The following PIK3C2G variants were observed in gnomAD, a reference collection of about 807,000 sequenced individuals.
PIK3C2G encodes phosphatidylinositol 3-kinase C2 domain-containing subunit gamma.
PIK3C2G carries 168 observed loss-of-function variants against 181.1 expected under a neutral mutation model. The observed-to-expected ratio is 0.93, with a 90% CI of 0.82 to 1.05. The LOEUF (loss-of-function observed/expected upper bound fraction) is 1.05. Among genes scored for constraint, PIK3C2G ranks in the 50% least tolerant of loss-of-function variants. The pLI is 0.00. For missense variants in PIK3C2G, 1,869 were observed against 1,732.8 expected, an observed-to-expected ratio of 1.08 and a Z score of -1.40; for synonymous variants, 573 against 592.2, an observed-to-expected ratio of 0.97 and a Z score of 0.47.
At chr12:18,285,119 G>A (rs1949387896) in intron 2 of PIK3C2G, among the ~76,000 whole-genome samples, 1 of 151,864 alleles carries the variant, frequency 6.6e-6, no homozygotes, top group Non-Finnish European at 1.5e-5. Context: ...AGGGAAGGGG[G>A]CAAAAATGTA....
intron 30 of PIK3C2G, among the ~76,000 whole-genome samples, chr12:18,601,110 C>A (rs1420015371): frequency 1.3e-5 from 2 of 151,698 alleles, no homozygotes; most frequent in African/African-American, 2.4e-5. Context: ...GAATATAATT[C>A]ACCATGACAG....
chr12:18,426,374 A>G (rs928155692), intron 18 of PIK3C2G, among the ~76,000 whole-genome samples: 3 of 152,152 alleles, frequency 2.0e-5, no homozygotes, highest in African/African-American at 7.2e-5. Context: ...TTCTAATGTT[A>G]AAAACTCACT....
Position 18,518,697 on chromosome 12 carries a change from AT to A in PIK3C2G, c.3323+13243del, listed in dbSNP as rs1331725059. ...AAAAAACAAGCTCCTGGATTCATTG[AT>A]TTTTTTGGAGGTTTTTTGTATCTCT... On this transcript the variant is annotated intron_variant, in intron 24 of 32. Transcript: ENST00000538779. Among the ~76,000 whole-genome samples the A allele has an allele frequency of 2.6e-4, 39 of 151,992 alleles. 1 individual carries two copies. The highest frequency in any genetic ancestry group is 1.5e-3 in the South Asian group (7 of 4,816).
chr12:18,267,867 C>T (rs1373500185), intron 1 of PIK3C2G, among the ~76,000 whole-genome samples: 1 of 152,126 alleles, frequency 6.6e-6, no homozygotes, highest in Non-Finnish European at 1.5e-5. Flanking sequence ...ATCCCCCGTT[C>T]CTACATAAGG....
the PIK3C2G span, among the ~76,000 whole-genome samples, chr12:18,684,759 T>A: frequency 6.6e-6 from 1 of 151,982 alleles, no homozygotes; most frequent in Non-Finnish European, 1.5e-5. Flanking sequence ...CTTGATATGG[T>A]TAAGCTTTGT....
intron 30 of PIK3C2G, among the ~76,000 whole-genome samples, chr12:18,596,561 A>G (rs766232052): frequency 3.9e-5 from 6 of 152,152 alleles, no homozygotes; most frequent in Admixed American, 6.6e-5. Context: ...TTGTCAAGGT[A>G]CAGAAATAAT....
chr12:18,316,686 C>T (rs917630249), intron 6 of PIK3C2G, among the ~76,000 whole-genome samples: 9 of 151,830 alleles, frequency 5.9e-5, no homozygotes, highest in Admixed American at 5.9e-4. Flanking sequence ...GCTGAGATCG[C>T]GCTACTGCAC....
intron 18 of PIK3C2G, among the ~76,000 whole-genome samples, chr12:18,485,773 A>C (rs145180990): frequency 6.6e-6 from 1 of 152,238 alleles, no homozygotes; most frequent in African/African-American, 2.4e-5. Flanking sequence ...CCTTGACCTT[A>C]AACTTTTTAT....
At chr12:18,505,268 C>T in intron 23 of PIK3C2G, 24 bp from the exon 24 acceptor site, 7 of 1,545,144 alleles carry the variant, frequency 4.5e-6, no homozygotes, top group Non-Finnish European at 3.5e-6. Flanking sequence ...GTTATTTTTG[C>T]ATGATTGTTT....
At chr12:18,487,284 A>G (rs1940147792) in intron 18 of PIK3C2G, among the ~76,000 whole-genome samples, 1 of 152,110 alleles carries the variant, frequency 6.6e-6, no homozygotes, top group South Asian at 2.1e-4. Context: ...AACTCATTCA[A>G]CTAATTTTTA....
chr12:18,338,241 C>A (rs563437783), intron 8 of PIK3C2G, among the ~76,000 whole-genome samples, 185 bp from the exon 9 acceptor site: 3 of 152,224 alleles, frequency 2.0e-5, no homozygotes, highest in Admixed American at 6.5e-5. Flanking sequence ...TGAACATTTG[C>A]TCAATGAAAA....
At chr12:18,550,820 T>C (rs1944690914) in intron 26 of PIK3C2G, among the ~76,000 whole-genome samples, 1 of 152,080 alleles carries the variant, frequency 6.6e-6, no homozygotes, top group Admixed American at 6.6e-5. Flanking sequence ...CCAGGCCATC[T>C]GAGACATAAC....
chr12:18,590,367 A>G (rs936043667), intron 29 of PIK3C2G, among the ~76,000 whole-genome samples: 2 of 151,946 alleles, frequency 1.3e-5, no homozygotes, highest in African/African-American at 4.8e-5. Context: ...TGAATTTTCC[A>G]TAAACCATAA....
At chr12:18,370,964 T>C (rs1175308409) in intron 12 of PIK3C2G, among the ~76,000 whole-genome samples, 1 of 152,174 alleles carries the variant, frequency 6.6e-6, no homozygotes, top group African/African-American at 2.4e-5. Flanking sequence ...CATGTCAACA[T>C]TATCAGGAAT....
intron 18 of PIK3C2G, among the ~76,000 whole-genome samples, chr12:18,465,074 A>T (rs1937712265): frequency 6.6e-6 from 1 of 151,994 alleles, no homozygotes; most frequent in Non-Finnish European, 1.5e-5. Flanking sequence ...AATTTATCAG[A>T]ATCTAATACT....
chr12:18,642,279 A>C (rs612956), intron 32 of PIK3C2G, among the ~76,000 whole-genome samples: 23,950 of 152,210 alleles, frequency 0.16, 2,062 homozygotes, highest in Non-Finnish European at 0.2. Flanking sequence ...TTTGAGTTAA[A>C]TTTTTAATAA....
intron 29 of PIK3C2G, among the ~76,000 whole-genome samples, chr12:18,585,499 C>G (rs975417957): frequency 3.3e-5 from 5 of 152,002 alleles, no homozygotes; most frequent in African/African-American, 1.2e-4. Flanking sequence ...GAAGACTTAA[C>G]TATCCTAAAC....
chr12:18,326,264 G>T, intron 8 of PIK3C2G, among the ~76,000 whole-genome samples: 1 of 152,160 alleles, frequency 6.6e-6, no homozygotes, highest in East Asian at 1.9e-4. Flanking sequence ...CCATTAGGCA[G>T]ATTATTTCTT....
chr12:18,343,344 A>G lies in PIK3C2G; in HGVS notation c.1413A>G (p.Ser471=). 2 of 1,369,182 alleles carry G rather than the reference A, an allele frequency of 1.5e-6. No individual in the cohort carries two copies. The highest frequency in any genetic ancestry group is 2.0e-6 in the Non-Finnish European group (2 of 990,134). 84.8% of individuals were successfully genotyped at this position (1,369,182 alleles called of 1,614,324 possible). The change falls in exon 10 of 33, where the codon TCA becomes TCG. Residue 471 remains serine, a synonymous_variant. Coordinates refer to ENST00000538779, the MANE Select transcript of PIK3C2G (RefSeq NM_001288772.2). ...TTTTTCAGAATTTTTATCAAAGTTCAGAGACTTCAGCAAAAGGTAAAACAT... is the reference window on the plus strand; with the variant it reads ...TTTTTCAGAATTTTTATCAAAGTTCGGAGACTTCAGCAAAAGGTAAAACAT... The part of the protein sequence containing the change: ...QRKGENFYQS[S]ETSAKGLIEK...
Sources: allele counts gnomAD v4.1 joint callset (sites outside exome capture counted in the v4.1 genomes callset), GRCh38; gene constraint gnomAD v4.1.1; transcripts MANE v1.5; gene names NCBI Gene and HGNC (gene_info 2026-07-23, HGNC 2026-07-21).